The following SLC27A6 variants were observed in gnomAD, a reference collection of about 807,000 sequenced individuals.
The protein encoded by SLC27A6 is solute carrier family 27 member 6, also known as long-chain fatty acid transport protein 6.
A neutral mutation model predicts 63.9 loss-of-function variants in SLC27A6; 74 were observed. The ratio of observed to expected loss-of-function variants is 1.16; its 90% confidence interval spans 0.96 to 1.40. SLC27A6 has a LOEUF of 1.40. Among genes scored for constraint, SLC27A6 ranks in the 40% most tolerant of loss-of-function variants. The probability of loss-of-function intolerance (pLI) is 0.00; values close to 1 mark genes in which losing one functional copy is unlikely to be tolerated. For synonymous variants in SLC27A6, 287 were observed against 260.8 expected, an observed-to-expected ratio of 1.10 and a Z score of -0.97; for missense variants, 794 against 732.9, an observed-to-expected ratio of 1.08 and a Z score of -0.96.
chr5:128,966,769 G>C, intron 1 of SLC27A6, 151 bp downstream of exon 1: 2 of 828,772 alleles, frequency 2.4e-6, no homozygotes, highest in Non-Finnish European at 3.3e-6. Context: ...ATTCTATGCT[G>C]GTTTAACAAC....
At chr5:128,995,382 A>G (rs1448865555) in intron 4 of SLC27A6, among the ~76,000 whole-genome samples, 6 of 152,246 alleles carry the variant, frequency 3.9e-5, no homozygotes, top group African/African-American at 1.2e-4. Flanking sequence ...CACACAGGAC[A>G]AATCAGACTG....
chr5:128,982,421 T>C (rs1750627990), intron 1 of SLC27A6, among the ~76,000 whole-genome samples: 1 of 152,202 alleles, frequency 6.6e-6, no homozygotes, highest in Non-Finnish European at 1.5e-5. Flanking sequence ...CTCAGTTTCT[T>C]TGGGCTCTAG....
chr5:129,022,724 A>T (rs182505944), intron 5 of SLC27A6, among the ~76,000 whole-genome samples: 2 of 151,972 alleles, frequency 1.3e-5, no homozygotes, highest in Non-Finnish European at 2.9e-5. Flanking sequence ...GCATGGAGGG[A>T]TAAGGTGGTA....
chr5:128,970,754 C>G (rs1018203982), intron 1 of SLC27A6, among the ~76,000 whole-genome samples: 12 of 150,500 alleles, frequency 8.0e-5, no homozygotes, highest in Admixed American at 7.3e-4. Flanking sequence ...ATGTCTCTAT[C>G]TCCTTCAGTT....
intron 5 of SLC27A6, among the ~76,000 whole-genome samples, chr5:129,016,658 T>C (rs554340968): frequency 1.5e-3 from 234 of 152,160 alleles, no homozygotes; most frequent in African/African-American, 5.5e-3. Flanking sequence ...AATTTATAAA[T>C]AGCAAGCATA....
At chr5:129,004,585 A>G (rs1751456229) in intron 4 of SLC27A6, among the ~76,000 whole-genome samples, 1 of 152,184 alleles carries the variant, frequency 6.6e-6, no homozygotes, top group South Asian at 2.1e-4. Context: ...CTATCCCAAT[A>G]TAGCTTAGAT....
intron 5 of SLC27A6, among the ~76,000 whole-genome samples, chr5:129,022,735 G>A: frequency 6.6e-6 from 1 of 152,118 alleles, no homozygotes; most frequent in Non-Finnish European, 1.5e-5. Flanking sequence ...TAAGGTGGTA[G>A]GATTGCTTGA....
At chr5:128,995,953 T>C (rs1053149996) in intron 4 of SLC27A6, among the ~76,000 whole-genome samples, 2 of 152,160 alleles carry the variant, frequency 1.3e-5, no homozygotes, top group Non-Finnish European at 2.9e-5. Flanking sequence ...TCCCAGGTTT[T>C]TGGTTCAAAC....
intron 5 of SLC27A6, among the ~76,000 whole-genome samples, chr5:129,021,209 G>A (rs767838884): frequency 2.0e-5 from 3 of 149,770 alleles, no homozygotes; most frequent in Admixed American, 6.7e-5. Context: ...ACAAAAAAAT[G>A]TACTACTCTA....
rs370024334 is a variant in SLC27A6, at chr5:128,990,347, T to C, written c.852T>C (p.Thr284=). 6.2e-5 allele frequency: 100 copies of C among 1,613,320 alleles called. 1 individual carries two copies. The highest frequency in any genetic ancestry group is 6.4e-5 in the Non-Finnish European group (75 of 1,179,882). Residue 284 remains threonine (T), a synonymous_variant, in exon 4 of 10, where the codon ACT becomes ACC. Transcript: ENST00000262462. ...TTTTGTCTTTTCTTATAGGTGCCAC[T>C]TGTGTGTTAAAGAAGAAATTTTCAG... ...GISGCVELGA[T]CVLKKKFSAS...
chr5:129,032,036 A>G (rs949434134), intron 9 of SLC27A6, among the ~76,000 whole-genome samples: 2 of 151,936 alleles, frequency 1.3e-5, no homozygotes, highest in African/African-American at 4.8e-5. Context: ...CATCTCACTT[A>G]AACAGACTGT....
intron 5 of SLC27A6, among the ~76,000 whole-genome samples, chr5:129,018,943 T>C (rs1175998503): frequency 4.6e-5 from 7 of 152,118 alleles, no homozygotes; most frequent in Non-Finnish European, 1.0e-4. Flanking sequence ...TTTTGTTAGA[T>C]AGCAGGTAAT....
At chr5:129,030,416 A>T (rs1351782381) in intron 9 of SLC27A6, among the ~76,000 whole-genome samples, 3 of 151,924 alleles carry the variant, frequency 2.0e-5, no homozygotes, top group African/African-American at 7.3e-5. Context: ...TTGTTATTTC[A>T]CTAATAGACT....
rs544408848 is a variant in SLC27A6, at chr5:129,028,761, G to A, written c.1552+319G>A. Among the ~76,000 whole-genome samples the A allele has an allele frequency of 1.3e-4, 20 of 151,036 alleles. 1 individual carries two copies. Among genetic ancestry groups the A allele is most frequent in the Admixed American group, 1.1e-3 (17 of 15,132 alleles). The stretch of plus-strand genomic sequence containing the variant: ...GTCTATTATTTTTCTTTTTATGACT[G>A]GTGTTTGTACATACCACTAAACAAG... On this transcript the variant is annotated intron_variant, in intron 8 of 9. Transcript: ENST00000262462.
chr5:128,977,071 A>T (rs1453757635), intron 1 of SLC27A6, among the ~76,000 whole-genome samples: 1 of 152,228 alleles, frequency 6.6e-6, no homozygotes, highest in Non-Finnish European at 1.5e-5. Flanking sequence ...CCACCCTCAA[A>T]ACCAGTTACC....
At chr5:128,994,153 C>A (rs929983749) in intron 4 of SLC27A6, among the ~76,000 whole-genome samples, 3 of 151,222 alleles carry the variant, frequency 2.0e-5, no homozygotes, top group Admixed American at 2.0e-4. Context: ...GGTGACAGAG[C>A]AAGACTCTGT....
At chr5:129,002,290 C>T (rs762509823) in intron 4 of SLC27A6, among the ~76,000 whole-genome samples, 1 of 152,156 alleles carries the variant, frequency 6.6e-6, no homozygotes, top group Non-Finnish European at 1.5e-5. Flanking sequence ...TATTCCAGTA[C>T]TTTTTCAGCT....
rs376877995 is a variant in SLC27A6, at chr5:129,018,946, C to T, written c.1164+2867C>T. Among the ~76,000 whole-genome samples the T allele has an allele frequency of 5.9e-5, 9 of 152,036 alleles. No homozygotes were observed. In the South Asian group the frequency reaches 1.9e-3, roughly 32 times the overall value. On this transcript the variant is annotated intron_variant, in intron 5 of 9. Coordinates refer to ENST00000262462, the MANE Select transcript of SLC27A6 (RefSeq NM_001017372.3). ...ATTCACATGTTGTTTTGTTAGATAG[C>T]AGGTAATTAGAAAAATTTGGTTCAA...
rs1044916480 is a variant in SLC27A6 at position 128,990,206 on chromosome 5, A to C, written c.845-134A>C. ...TAGTGTTTCCAAATGAGTTTGATAT[A>C]AATTATTGATGATGAGTTATTAAAG... On this transcript the variant is annotated intron_variant, in intron 3 of 9. Coordinates refer to ENST00000262462, the MANE Select transcript of SLC27A6 (RefSeq NM_001017372.3). 3 of 812,010 alleles carry C rather than the reference A, an allele frequency of 3.7e-6. No individual in the cohort carries two copies. The African/African-American group carries it at 5.3e-5, about 14-fold the overall frequency. The allele number at this position is 812,010 out of a possible 1,614,324, so 50.3% of individuals were successfully genotyped here.
Sources: allele counts gnomAD v4.1 joint callset (sites outside exome capture counted in the v4.1 genomes callset), GRCh38; gene constraint gnomAD v4.1.1; transcripts MANE v1.5; gene names NCBI Gene and HGNC (gene_info 2026-07-23, HGNC 2026-07-21).